STON2: variants seen among roughly 807,000 people sequenced by gnomAD.
The protein encoded by STON2 is stonin-2.
In STON2, 29 loss-of-function variants were observed where a neutral mutation model predicts 65.7. The ratio of observed to expected loss-of-function variants is 0.44; its 90% CI spans 0.33 to 0.60. STON2 has a LOEUF of 0.60. STON2 is among the 20% of genes least tolerant of loss of function. The pLI is 0.03. For synonymous variants in STON2, 404 were observed against 414.2 expected, an observed-to-expected ratio of 0.98 and a Z score of 0.30; for missense variants, 1,054 against 1,118.1, an observed-to-expected ratio of 0.94 and a Z score of 0.82.
intron 5 of STON2, among the ~76,000 whole-genome samples, chr14:81,304,031 T>C (rs1896074104): frequency 6.6e-6 from 1 of 152,216 alleles, no homozygotes; most frequent in South Asian, 2.1e-4. Context: ...CAGAACACTC[T>C]AAACTACAGT....
Position 81,265,089 on chromosome 14 carries a change from A to G in STON2, c.*3325T>C, listed in dbSNP as rs1441927419. 7 of 984,760 alleles carry G rather than the reference A, an allele frequency of 7.1e-6. No homozygotes were observed. Among genetic ancestry groups the G allele is most frequent in the Non-Finnish European group, 8.4e-6 (7 of 829,570 alleles). 61.0% of individuals were successfully genotyped at this position (984,760 alleles called of 1,614,324 possible). A position where few individuals can be genotyped will look rare whatever the true frequency, so the allele number is the denominator to read the frequency against. ...TTATTTGTGACCACAAAAAAAAAAA[A>G]TAAAAAGTCCAGGTCCAGGGTTGCA... On this transcript the variant is annotated 3_prime_UTR_variant, in exon 8 of 8. Transcript: ENST00000614646.
intron 4 of STON2, among the ~76,000 whole-genome samples, chr14:81,346,061 TGCTCTTTTCCAGTAGCTCGG>T (rs1322771064): frequency 1.3e-5 from 2 of 152,238 alleles, no homozygotes; most frequent in Non-Finnish European, 2.9e-5. Context: ...CAGAGAAAGC[TGCTCTTTTCCAGTAGCTCGG>T]TCTCCTGAAC....
intron 5 of STON2, among the ~76,000 whole-genome samples, chr14:81,314,003 T>A (rs1466219156): frequency 2.6e-5 from 4 of 152,204 alleles, no homozygotes; most frequent in Non-Finnish European, 4.4e-5. Flanking sequence ...GGTGTGTGAC[T>A]AAGAGTTAGG....
intron 5 of STON2, among the ~76,000 whole-genome samples, chr14:81,298,196 A>G (rs935112618): frequency 5.3e-5 from 8 of 152,214 alleles, no homozygotes. Flanking sequence ...GATGAAGCCT[A>G]TTCTAGATGC....
rs927475797 is a variant in STON2, at chr14:81,411,998, G to A, written c.-198-13418C>T. On this transcript the variant is annotated intron_variant, in intron 2 of 8. Transcript: ENST00000553821. ...AAGTGAAGAGGATTCAAGGTAAAGG[G>A]AACCAAAGACACAGAGTCTGAGATG... Among the ~76,000 whole-genome samples the A allele has an allele frequency of 1.7e-4, 24 of 139,266 alleles. 4 individuals are homozygous for A. Among genetic ancestry groups the A allele is most frequent in the Non-Finnish European group, 4.5e-5 (3 of 66,852 alleles). 91.4% of individuals were successfully genotyped at this position (139,266 alleles called of 152,430 possible).
intron 7 of STON2, chr14:81,269,873 T>G (rs1435757095): frequency 1.0e-6 from 1 of 985,426 alleles, no homozygotes; most frequent in South Asian, 4.7e-5. Flanking sequence ...GCCCTGACCC[T>G]GTTACTATTA....
intron 4 of STON2, among the ~76,000 whole-genome samples, chr14:81,358,712 G>T (rs1311387372): frequency 2.6e-5 from 4 of 151,962 alleles, no homozygotes; most frequent in Non-Finnish European, 5.9e-5. Flanking sequence ...CCACACAAAT[G>T]GCAACCAAAA....
rs375226432 is a variant in STON2, at chr14:81,263,551, A to AAAC, written c.*4862_*4863insGTT. 295 of 191,020 alleles carry AAAC rather than the reference A, an allele frequency of 1.5e-3. No homozygotes were observed. The highest frequency in any genetic ancestry group is 2.6e-3 in the Middle Eastern group (1 of 384). 11.8% of individuals were successfully genotyped at this position (191,020 alleles called of 1,614,324 possible). The stretch of plus-strand genomic sequence containing the variant: ...AGACTCCGTCTCAAAAAAAAAAAAA[A>AAAC]AAAAAAAAACAAAAAAGAAAATGCT... On this transcript the variant is annotated 3_prime_UTR_variant, in exon 8 of 8. Transcript: ENST00000614646.
chr14:81,406,304 G>A (rs1316680940), intron 2 of STON2, among the ~76,000 whole-genome samples: 1 of 152,074 alleles, frequency 6.6e-6, no homozygotes, highest in Non-Finnish European at 1.5e-5. Flanking sequence ...TAACACACAG[G>A]GCTTGGTTCT....
chr14:81,416,152 T>C (rs1445540237), intron 2 of STON2, among the ~76,000 whole-genome samples: 2 of 152,182 alleles, frequency 1.3e-5, no homozygotes, highest in Non-Finnish European at 2.9e-5. Context: ...TACGCCTGAG[T>C]TTCATCTAGT....
In STON2 at chr14:81,309,136, T is replaced by C. The variant is rs372225907; in HGVS notation, c.742+14881A>G. Among the ~76,000 whole-genome samples the C allele has an allele frequency of 1.9e-3, 282 of 151,638 alleles. 1 individual carries two copies. The highest frequency in any genetic ancestry group is 6.4e-3 in the African/African-American group (266 of 41,384). On this transcript the variant is annotated intron_variant, in intron 5 of 7. Coordinates refer to ENST00000614646, the MANE Select transcript of STON2 (RefSeq NM_001394390.1). Reference sequence around the variant, plus strand: ...TGACCCATGAGCCTCAGTATCCTTATCAATAAATGAGGGAAATCATACTTA... The same window carrying C: ...TGACCCATGAGCCTCAGTATCCTTACCAATAAATGAGGGAAATCATACTTA...
Position 81,263,685 on chromosome 14 carries a change from C to T in STON2, c.*4729G>A. On this transcript the variant is annotated 3_prime_UTR_variant, in exon 8 of 8. Coordinates refer to ENST00000614646, the MANE Select transcript of STON2 (RefSeq NM_001394390.1). ...GCCCAGGGAAGCCAAAAGATTGGAC[C>T]TCCCTGACTAAGGTCTAGATATGCT... is the stretch of plus-strand genomic sequence containing the variant. 2.0e-6 allele frequency: 2 copies of T among 979,790 alleles called. No individual in the cohort carries two copies. The highest frequency in any genetic ancestry group is 2.4e-6 in the Non-Finnish European group (2 of 824,962). 60.7% of individuals were successfully genotyped at this position (979,790 alleles called of 1,614,324 possible).
chr14:81,366,341 C>T (rs1330669673), intron 4 of STON2, among the ~76,000 whole-genome samples: 3 of 152,262 alleles, frequency 2.0e-5, no homozygotes, highest in East Asian at 1.9e-4. Context: ...GCTCTGCTCT[C>T]GGCAGCCCAC....
intron 4 of STON2, among the ~76,000 whole-genome samples, chr14:81,335,008 T>C (rs1897321217): frequency 2.5e-5 from 2 of 80,106 alleles, no homozygotes; most frequent in African/African-American, 8.9e-5. Flanking sequence ...TGGCTAATTT[T>C]TTTTTTGTAT....
At chr14:81,350,698 C>T (rs112123737) in intron 4 of STON2, among the ~76,000 whole-genome samples, 8,070 of 152,162 alleles carry the variant, frequency 0.053, 307 homozygotes, top group Admixed American at 0.075. Flanking sequence ...CTTTAAAGGT[C>T]TGAGATGCTT....
At chr14:81,280,557 C>T (rs1462682142) in intron 5 of STON2, among the ~76,000 whole-genome samples, 1 of 152,146 alleles carries the variant, frequency 6.6e-6, no homozygotes, top group East Asian at 1.9e-4. Flanking sequence ...CTGACCACCT[C>T]ACTACATCTT....
intron 4 of STON2, among the ~76,000 whole-genome samples, chr14:81,343,533 G>A (rs539956213): frequency 2.7e-5 from 4 of 150,338 alleles, no homozygotes; most frequent in Non-Finnish European, 4.4e-5. Context: ...AAAGCATATC[G>A]GGTGAGCCCA....
intron 1 of STON2, among the ~76,000 whole-genome samples, chr14:81,429,518 C>G (rs548272711): frequency 6.6e-6 from 1 of 152,196 alleles, no homozygotes; most frequent in Non-Finnish European, 1.5e-5. Context: ...TATTCACCTA[C>G]TAATAAATCA....
intron 1 of STON2, among the ~76,000 whole-genome samples, chr14:81,428,647 C>T (rs1902096579): frequency 6.6e-6 from 1 of 152,150 alleles, no homozygotes; most frequent in Non-Finnish European, 1.5e-5. Flanking sequence ...CGCTTGAACC[C>T]AGGAGGCAGA....
Sources: gnomAD v4.1 joint callset for allele counts (sites outside exome capture counted in the v4.1 genomes callset) on GRCh38, gnomAD v4.1.1 for gene constraint, MANE v1.5 for transcripts, NCBI Gene and HGNC (gene_info 2026-07-23, HGNC 2026-07-21) for gene names.